Variants in MGST1 observed in about 807,000 individuals in gnomAD.
MGST1 encodes the protein microsomal glutathione S-transferase 1.
Under a neutral mutation model 8.9 loss-of-function variants are expected in MGST1, and 5 were observed. The ratio of observed to expected loss-of-function variants is 0.56; its 90% CI spans 0.29 to 1.19. MGST1 has a LOEUF of 1.19. MGST1 is among the 50% of genes most tolerant of loss of function. The pLI, the probability that MGST1 is intolerant of heterozygous loss-of-function variation, is 0.08. For missense variants in MGST1, 182 were observed against 187.4 expected, an observed-to-expected ratio of 0.97 and a Z score of 0.17; for synonymous variants, 54 against 67.8, an observed-to-expected ratio of 0.80 and a Z score of 1.00.
chr12:16,399,508 A>T (rs944460099), intron 1 of MGST1: 237 of 1,559,270 alleles, frequency 1.5e-4, no homozygotes, highest in Non-Finnish European at 2.0e-4. Flanking sequence ...TCCTTAGAAG[A>T]GTCTGACTCT....
chr12:16,471,578 G>A (rs1427254252), intron 4 of MGST1, among the ~76,000 whole-genome samples: 2 of 152,078 alleles, frequency 1.3e-5, no homozygotes, highest in African/African-American at 4.8e-5. Flanking sequence ...AGGCTGTATA[G>A]CACAACAAAA....
At position 16,553,487 on chromosome 12, in the gene MGST1, GAC is replaced by G. The variant is rs1259176252; in HGVS notation, n.483-36039_483-36038del. On this transcript the variant is annotated intron_variant and non_coding_transcript_variant, in intron 4 of 4. Coordinates refer to the MGST1 transcript ENST00000538857. ...AGCAACAGAGGCAGAGCGAGAGAGAGACAGAACTTTTCTAAAATATTCCTACC... is the reference window on the plus strand; with the variant it reads ...AGCAACAGAGGCAGAGCGAGAGAGAGAGAACTTTTCTAAAATATTCCTACC... Among the ~76,000 whole-genome samples, 8 of 152,244 alleles carry G rather than the reference GAC, an allele frequency of 5.3e-5. No homozygotes were observed. In the East Asian group the frequency reaches 1.5e-3, roughly 29 times the overall value.
intron 1 of MGST1, among the ~76,000 whole-genome samples, chr12:16,405,116 A>G (rs2137066785): frequency 1.3e-5 from 2 of 152,346 alleles, no homozygotes; most frequent in South Asian, 2.1e-4. Flanking sequence ...ATCATAACTG[A>G]AAGAATTAGA....
chr12:16,467,149 A>G (rs1565460174), intron 4 of MGST1, among the ~76,000 whole-genome samples: 1 of 152,220 alleles, frequency 6.6e-6, no homozygotes, highest in Non-Finnish European at 1.5e-5. Flanking sequence ...TTTTCACTAG[A>G]AGGTCAATGT....
chr12:16,395,780 C>CGTGTATATATAT (rs1221235030), intron 1 of MGST1, among the ~76,000 whole-genome samples: 1 of 121,816 alleles, frequency 8.2e-6, no homozygotes, highest in Admixed American at 8.8e-5. Context: ...AGTATTCCAT[C>CGTGTATATATAT]ATATATATAT....
chr12:16,454,781 G>A (rs1009330678), intron 4 of MGST1, among the ~76,000 whole-genome samples: 5 of 149,686 alleles, frequency 3.3e-5, no homozygotes, highest in African/African-American at 9.8e-5. Context: ...TTGGGTAGGG[G>A]TGGATAAAGG....
intron 4 of MGST1, among the ~76,000 whole-genome samples, chr12:16,446,470 GT>G (rs1231329053): frequency 6.6e-6 from 1 of 151,604 alleles, no homozygotes; most frequent in African/African-American, 2.4e-5. Flanking sequence ...ATTTTTTTTG[GT>G]TATATAATTT....
chr12:16,434,762 C>T (rs1300160089), intron 1 of MGST1, among the ~76,000 whole-genome samples: 2 of 152,068 alleles, frequency 1.3e-5, no homozygotes, highest in Non-Finnish European at 2.9e-5. Context: ...GCATGCTTGA[C>T]TTCTAAGAAC....
intron 4 of MGST1, among the ~76,000 whole-genome samples, chr12:16,509,816 T>G (rs1230434344): frequency 6.6e-6 from 1 of 152,130 alleles, no homozygotes; most frequent in Non-Finnish European, 1.5e-5. Flanking sequence ...TTCTCTAGAT[T>G]TCTCAATTTG....
At chr12:16,398,007 C>T (rs1940620866) in intron 1 of MGST1, among the ~76,000 whole-genome samples, 1 of 151,548 alleles carries the variant, frequency 6.6e-6, no homozygotes, top group Non-Finnish European at 1.5e-5. Context: ...AATTATTTCT[C>T]CATTTACTTA....
intron 4 of MGST1, among the ~76,000 whole-genome samples, chr12:16,525,567 A>T: frequency 7.0e-6 from 1 of 142,968 alleles, no homozygotes; most frequent in Non-Finnish European, 1.5e-5. Flanking sequence ...GGTTGGTTCC[A>T]AGTCTTTGCT....
Position 16,407,653 on chromosome 12 carries a change from G to A in MGST1, n.778+24049G>A, listed in dbSNP as rs183952856. On this transcript the variant is annotated intron_variant and non_coding_transcript_variant, in intron 1 of 1. Transcript: ENST00000359720. ...GTGCTATTCACAAGAGCAAAGACAT[G>A]GAATCTACCTAAGTGCCCATCATTT... Among the ~76,000 whole-genome samples, 3 of 152,100 alleles carry A rather than the reference G, an allele frequency of 2.0e-5. No individual in the cohort carries two copies. In the East Asian group the frequency reaches 5.8e-4, roughly 29 times the overall value.
At chr12:16,359,603 C>G (rs368907472) in intron 3 of MGST1, among the ~76,000 whole-genome samples, 1 of 151,112 alleles carries the variant, frequency 6.6e-6, no homozygotes, top group African/African-American at 2.4e-5. Context: ...ATGTGTTAGA[C>G]GAAAAAAAAT....
chr12:16,421,109 G>C (rs997653091), intron 1 of MGST1, among the ~76,000 whole-genome samples: 4 of 152,082 alleles, frequency 2.6e-5, no homozygotes, highest in African/African-American at 9.7e-5. Context: ...CAGATGAAAT[G>C]ATCCAGACTT....
At chr12:16,418,331 T>C (rs995650732) in intron 1 of MGST1, among the ~76,000 whole-genome samples, 1 of 152,154 alleles carries the variant, frequency 6.6e-6, no homozygotes, top group Non-Finnish European at 1.5e-5. Context: ...TTGCAGCATA[T>C]CCTGCCACCT....
chr12:16,372,315 G>C (rs1447781425), intron 3 of MGST1, among the ~76,000 whole-genome samples: 2 of 151,914 alleles, frequency 1.3e-5, no homozygotes, highest in Non-Finnish European at 2.9e-5. Context: ...CATATAAGAA[G>C]CTCAAATAAC....
In MGST1 at chr12:16,513,295, T is replaced by C; in HGVS notation, n.483-76233T>C. 4.1e-6 allele frequency: 1 copy of C among 243,698 alleles called. No individual in the cohort carries two copies. Among genetic ancestry groups the C allele is most frequent in the Non-Finnish European group, 8.2e-6 (1 of 122,058 alleles). The allele number at this position is 243,698 out of a possible 1,614,324, so 15.1% of individuals were successfully genotyped here. ...TAGCTCTCCCTGCTTACTCTGATTC[T>C]CTCCACATTTCCCATTGAAAATTCC... On this transcript the variant is annotated intron_variant and non_coding_transcript_variant, in intron 4 of 4. Coordinates refer to the MGST1 transcript ENST00000538857. This position sits in a 1 kb window ranked among gnomAD's most constrained non-coding sequence, Gnocchi z 4.2.
At chr12:16,472,272 A>C (rs1941293812) in intron 4 of MGST1, among the ~76,000 whole-genome samples, 1 of 152,208 alleles carries the variant, frequency 6.6e-6, no homozygotes, top group Non-Finnish European at 1.5e-5. Flanking sequence ...CAGAAAAAAA[A>C]CAAATCTTTG....
intron 4 of MGST1, among the ~76,000 whole-genome samples, chr12:16,514,941 C>G (rs1353775670): frequency 6.6e-6 from 1 of 152,158 alleles, no homozygotes; most frequent in South Asian, 2.1e-4. Flanking sequence ...TTTACATGTG[C>G]AAGAAAGTCA....
Sources: allele counts gnomAD v4.1 joint callset (sites outside exome capture counted in the v4.1 genomes callset), GRCh38; gene constraint gnomAD v4.1.1; non-coding constraint Gnocchi (gnomAD v3.1); transcripts MANE v1.5; gene names NCBI Gene and HGNC (gene_info 2026-07-23, HGNC 2026-07-21).